The following GRIK4 variants were observed in gnomAD, a reference collection of about 807,000 sequenced individuals.
GRIK4 encodes glutamate receptor ionotropic, kainate 4.
A neutral mutation model predicts 104.9 loss-of-function variants in GRIK4; 40 were observed. The observed-to-expected ratio is 0.38, with a 90% CI of 0.30 to 0.50. GRIK4 has a LOEUF of 0.50. GRIK4 is among the 20% of genes least tolerant of loss of function. The pLI is 0.93. For synonymous variants in GRIK4, 485 were observed against 524.9 expected (o/e 0.92, Z 1.04); for missense variants, 1,047 against 1,308.1 (o/e 0.80, Z 3.08).
At chr11:120,714,775 T>C (rs1950798057) in intron 3 of GRIK4, among the ~76,000 whole-genome samples, 1 of 152,132 alleles carries the variant, frequency 6.6e-6, no homozygotes. Flanking sequence ...ATGATTCTTT[T>C]TGAAATGTAG....
At chr11:120,591,015 G>A (rs561241448) in intron 1 of GRIK4, among the ~76,000 whole-genome samples, 103 of 152,198 alleles carry the variant, frequency 6.8e-4, no homozygotes, top group Non-Finnish European at 8.2e-4. Flanking sequence ...GTTATGTTTA[G>A]TGGTTAAATC....
chr11:120,750,790 A>G (rs569563607), intron 3 of GRIK4, among the ~76,000 whole-genome samples: 4 of 152,198 alleles, frequency 2.6e-5, no homozygotes, highest in Non-Finnish European at 4.4e-5. Flanking sequence ...CTATTTTGTA[A>G]TGGATGCTGG....
intron 3 of GRIK4, among the ~76,000 whole-genome samples, chr11:120,790,290 G>C (rs1477918719): frequency 6.6e-6 from 1 of 152,166 alleles, no homozygotes; most frequent in Non-Finnish European, 1.5e-5. Context: ...GATTGAATGA[G>C]TGAATGCCTT....
intron 18 of GRIK4, among the ~76,000 whole-genome samples, chr11:120,966,678 A>C (rs1195230350): frequency 2.0e-5 from 3 of 152,110 alleles, no homozygotes. Flanking sequence ...GGCTGTGAGA[A>C]ATTAATTTAA....
chr11:120,922,171 TTTAATC>T (rs1943241063), intron 13 of GRIK4, among the ~76,000 whole-genome samples: 1 of 152,220 alleles, frequency 6.6e-6, no homozygotes, highest in Non-Finnish European at 1.5e-5. Context: ...TGTTCTCCTA[TTTAATC>T]TTAGGACAAC....
intron 1 of GRIK4, among the ~76,000 whole-genome samples, chr11:120,598,812 C>T (rs1280217149): frequency 6.6e-6 from 1 of 152,232 alleles, no homozygotes; most frequent in African/African-American, 2.4e-5. Flanking sequence ...CCCTGTCTAT[C>T]TTGCAGAAGA....
intron 13 of GRIK4, among the ~76,000 whole-genome samples, chr11:120,934,618 G>A (rs985954213): frequency 1.2e-4 from 18 of 152,280 alleles, no homozygotes; most frequent in Middle Eastern, 6.8e-3. Flanking sequence ...GCTGGCTCCC[G>A]CCTGCCCTCC....
rs2134830663 is a variant in GRIK4, at chr11:120,988,874, A to G, written c.*2614A>G. 1 of 152,308 alleles carries G rather than the reference A, an allele frequency of 6.6e-6. No individual in the cohort carries two copies. Among genetic ancestry groups the G allele is most frequent in the East Asian group, 1.9e-4 (1 of 5,184 alleles). The allele number at this position is 152,308 out of a possible 1,614,324, so 9.4% of individuals were successfully genotyped here. ...TCAGTGTGTCTAATATCCAGGTACT[A>G]GACTTGAAAAGCAAATAAAATCATA... On this transcript the variant is annotated 3_prime_UTR_variant, in exon 21 of 21. Coordinates refer to ENST00000527524, the MANE Select transcript of GRIK4 (RefSeq NM_014619.5).
intron 3 of GRIK4, among the ~76,000 whole-genome samples, chr11:120,671,793 T>C (rs569925878): frequency 1.3e-5 from 2 of 152,348 alleles, no homozygotes; most frequent in East Asian, 3.9e-4. Context: ...AGTCATGAAG[T>C]CTTCACCCAT....
chr11:120,783,899 T>A (rs1257861823), intron 3 of GRIK4, among the ~76,000 whole-genome samples: 2 of 152,088 alleles, frequency 1.3e-5, no homozygotes, highest in African/African-American at 4.8e-5. Context: ...CTGAGAGGTG[T>A]TTGTTTTGCG....
At chr11:120,728,704 A>G (rs1394832599) in intron 3 of GRIK4, among the ~76,000 whole-genome samples, 1 of 152,220 alleles carries the variant, frequency 6.6e-6, no homozygotes, top group Non-Finnish European at 1.5e-5. Context: ...TAATAATTAC[A>G]TCATGGTAAA....
At chr11:120,519,869 T>G (rs917512385) in intron 1 of GRIK4, among the ~76,000 whole-genome samples, 7 of 113,778 alleles carry the variant, frequency 6.2e-5, no homozygotes, top group South Asian at 6.4e-4. Flanking sequence ...CTACTGGTTT[T>G]TTTTTTTTTT....
chr11:120,893,715 G>T (rs1459178427), intron 11 of GRIK4, among the ~76,000 whole-genome samples: 1 of 152,226 alleles, frequency 6.6e-6, no homozygotes, highest in Non-Finnish European at 1.5e-5. Flanking sequence ...GTGACATCAT[G>T]TTGGCAGCTT....
At chr11:120,719,993 T>TTA (rs1555048727) in intron 3 of GRIK4, among the ~76,000 whole-genome samples, 1 of 141,610 alleles carries the variant, frequency 7.1e-6, no homozygotes, top group Non-Finnish European at 1.5e-5. Context: ...TAAGGTAGAT[T>TTA]AAAAAAAAAA....
intron 1 of GRIK4, among the ~76,000 whole-genome samples, chr11:120,545,662 CT>C (rs1431256581): frequency 6.6e-6 from 1 of 152,204 alleles, no homozygotes; most frequent in Non-Finnish European, 1.5e-5. Context: ...TTAACTACCT[CT>C]GTCTTGTGTG....
chr11:120,907,663 G>A (rs916768444), intron 13 of GRIK4, among the ~76,000 whole-genome samples: 4 of 152,130 alleles, frequency 2.6e-5, no homozygotes, highest in Non-Finnish European at 4.4e-5. Context: ...ATGAATGATC[G>A]CATTCTTGTG....
At chr11:120,948,103 G>A (rs1943907176) in intron 14 of GRIK4, among the ~76,000 whole-genome samples, 1 of 152,176 alleles carries the variant, frequency 6.6e-6, no homozygotes, top group South Asian at 2.1e-4. Flanking sequence ...GCCATCCATG[G>A]GATCCTGCTG....
At chr11:120,721,281 A>G (rs1379336765) in intron 3 of GRIK4, among the ~76,000 whole-genome samples, 1 of 152,204 alleles carries the variant, frequency 6.6e-6, no homozygotes, top group Non-Finnish European at 1.5e-5. Context: ...AATGTGGATG[A>G]GGCATCTGGT....
At chr11:120,720,510 G>A (rs1950912831) in intron 3 of GRIK4, among the ~76,000 whole-genome samples, 1 of 152,154 alleles carries the variant, frequency 6.6e-6, no homozygotes, top group African/African-American at 2.4e-5. Context: ...CCACGTGGGA[G>A]GTAGGAACTG....
Sources: gnomAD v4.1 joint callset for allele counts (sites outside exome capture counted in the v4.1 genomes callset) on GRCh38, gnomAD v4.1.1 for gene constraint, MANE v1.5 for transcripts, NCBI Gene and HGNC (gene_info 2026-07-23, HGNC 2026-07-21) for gene names.